The following ZNF430 variants were observed in gnomAD, a reference collection of about 807,000 sequenced individuals.
The protein encoded by ZNF430 is zinc finger protein 430.
A neutral mutation model predicts 56.7 loss-of-function variants in ZNF430; 35 were observed. That is an observed-to-expected ratio of 0.62 (90% CI 0.47 to 0.82). The LOEUF is 0.82. ZNF430 is among the 40% of genes least tolerant of loss of function. The probability of loss-of-function intolerance (pLI) is 0.00; values close to 1 mark genes in which losing one functional copy is unlikely to be tolerated. For synonymous variants in ZNF430, 212 were observed against 224.3 expected (o/e 0.94, Z 0.49); for missense variants, 574 against 661.0 (o/e 0.87, Z 1.44).
intron 4 of ZNF430, among the ~76,000 whole-genome samples, chr19:21,046,286 C>G (rs1162704545): frequency 6.7e-6 from 1 of 148,510 alleles, no homozygotes; most frequent in Admixed American, 6.8e-5. Flanking sequence ...GCACTGCACT[C>G]CAGCCTGGGT....
At position 21,056,688 on chromosome 19, in the gene ZNF430, T is replaced by G; in HGVS notation, c.380T>G (p.Phe127Cys). Residue 127 changes from phenylalanine (F) to cysteine (C), a missense_variant, in exon 5 of 5, where the codon TTC (phenylalanine) becomes TGC (cysteine). Coordinates refer to ENST00000261560, the MANE Select transcript of ZNF430 (RefSeq NM_025189.4). The part of the protein sequence containing the change: ...LWPEQGIKDS[F>C]QEVILRRYGK... ...CCAGAGCAGGGCATAAAAGATTCTTTCCAAGAAGTCATATTGAGAAGATAT... is the reference window on the plus strand; with the variant it reads ...CCAGAGCAGGGCATAAAAGATTCTTGCCAAGAAGTCATATTGAGAAGATAT... 6.3e-7 allele frequency: 1 copy of G among 1,595,188 alleles called. No individual in the cohort carries two copies. The highest frequency in any genetic ancestry group is 8.5e-7 in the Non-Finnish European group (1 of 1,170,606).
At chr19:21,036,679 T>A (rs541463544) in intron 4 of ZNF430, 2 of 152,094 alleles carry the variant, frequency 1.3e-5, no homozygotes, top group South Asian at 4.2e-4. Context: ...GTTGTGCATC[T>A]GTGGTTCAGG....
At chr19:21,055,439 T>TA (rs1968357657) in intron 4 of ZNF430, among the ~76,000 whole-genome samples, 1 of 150,208 alleles carries the variant, frequency 6.7e-6, no homozygotes, top group African/African-American at 2.4e-5. Context: ...TTTTAGTTTT[T>TA]TTTTTTGTTT....
intron 4 of ZNF430, among the ~76,000 whole-genome samples, chr19:21,054,779 A>G (rs567573721): frequency 6.5e-5 from 9 of 138,254 alleles, no homozygotes; most frequent in Non-Finnish European, 9.0e-5. Flanking sequence ...GGTTCACGCC[A>G]TTCTCCTGCC....
chr19:21,057,595 C>G lies in ZNF430; in HGVS notation c.1287C>G (p.Tyr429Ter). The G allele has an allele frequency of 6.2e-7, 1 of 1,613,164 alleles. No individual in the cohort carries two copies. Among genetic ancestry groups the G allele is most frequent in the Non-Finnish European group, 8.5e-7 (1 of 1,179,904 alleles). Residue 429 changes from tyrosine (Y) to a stop codon, truncating the protein, a stop_gained, in exon 5 of 5, where the codon TAC (tyrosine) becomes TAG (stop). Transcript: ENST00000261560. LOFTEE classifies it high-confidence loss of function. ...HKRIHTGEKP[Y>*]KCEQCGKAFN... ...GAATTCATACTGGAGAGAAACCCTA[C>G]AAATGTGAACAATGTGGCAAAGCTT...
At chr19:21,022,942 C>T in intron 2 of ZNF430, 61 bp downstream of exon 2, 2 of 1,214,880 alleles carry the variant, frequency 1.6e-6, no homozygotes, top group Non-Finnish European at 2.4e-6. Flanking sequence ...CTTGGAGACA[C>T]ATTGCTGGTC....
chr19:21,033,444 T>G lies in ZNF430; in HGVS notation c.97-12T>G, dbSNP rs541268053. 3.1e-6 allele frequency: 5 copies of G among 1,606,068 alleles called. No individual in the cohort carries two copies. The South Asian group carries it at 5.5e-5, about 18-fold the overall frequency. On this transcript the variant is annotated splice_polypyrimidine_tract_variant and intron_variant, in intron 2 of 4. Coordinates refer to ENST00000261560, the MANE Select transcript of ZNF430 (RefSeq NM_025189.4). ...TAAATATACGTGTGTCTTGTGTGCT[T>G]GTGTTTTTCAGGGGCCATTGACATT...
In ZNF430 at chr19:21,046,263, T is replaced by A. The variant is rs111884390; in HGVS notation, c.323-10368T>A. Among the ~76,000 whole-genome samples the A allele has an allele frequency of 1.0e-3, 152 of 150,142 alleles. 1 individual carries two copies. Among genetic ancestry groups the A allele is most frequent in the African/African-American group, 3.2e-3 (131 of 40,554 alleles). On this transcript the variant is annotated intron_variant, in intron 4 of 4. Transcript: ENST00000261560. The stretch of plus-strand genomic sequence containing the variant: ...GAACCTGGGAGGCAGATGTTGCAGT[T>A]AGTCAAGATTGTGCACTGCACTCCA...
intron 4 of ZNF430, chr19:21,035,551 A>G (rs1404411264): frequency 9.3e-6 from 2 of 214,664 alleles, no homozygotes; most frequent in Non-Finnish European, 2.0e-5. Flanking sequence ...TTCCAGTGCT[A>G]TGTTAAAATA....
chr19:21,027,508 A>G (rs1177201982), intron 2 of ZNF430, among the ~76,000 whole-genome samples: 1 of 152,104 alleles, frequency 6.6e-6, no homozygotes, highest in Non-Finnish European at 1.5e-5. Flanking sequence ...ATAGTGGATT[A>G]GCTTTTTGAT....
chr19:21,022,738 TCA>T (rs781248515), intron 1 of ZNF430, 49 bp from the exon 2 acceptor site: 2 of 1,248,652 alleles, frequency 1.6e-6, no homozygotes, highest in African/African-American at 3.0e-5. Flanking sequence ...CATGGTTATG[TCA>T]GTTAGAGTGT....
intron 4 of ZNF430, among the ~76,000 whole-genome samples, chr19:21,048,965 A>T (rs1380761967): frequency 6.6e-6 from 1 of 152,000 alleles, no homozygotes; most frequent in Non-Finnish European, 1.5e-5. Context: ...GGAGGCTGAG[A>T]TGGATAGATC....
At chr19:21,056,222 CA>C in intron 4 of ZNF430, among the ~76,000 whole-genome samples, 1 of 152,012 alleles carries the variant, frequency 6.6e-6, no homozygotes, top group East Asian at 1.9e-4. Flanking sequence ...GCTGGTGTGC[CA>C]AAGTGCGGTA....
intron 4 of ZNF430, 25 bp downstream of exon 4, chr19:21,034,209 C>A: frequency 6.8e-7 from 1 of 1,460,902 alleles, no homozygotes; most frequent in Non-Finnish European, 9.3e-7. Context: ...ACACAACAGA[C>A]GACATGAATG....
intron 4 of ZNF430, among the ~76,000 whole-genome samples, chr19:21,053,172 T>C (rs969920055): frequency 6.6e-6 from 1 of 151,960 alleles, no homozygotes; most frequent in Non-Finnish European, 1.5e-5. Flanking sequence ...CAAACTAACC[T>C]AAATTTTTTG....
rs768186636 is a variant in ZNF430, at chr19:21,034,083, A to C, written c.224-3A>C. The C allele has an allele frequency of 1.2e-6, 2 of 1,609,494 alleles. No individual in the cohort carries two copies. Among genetic ancestry groups the C allele is most frequent in the Admixed American group, 1.7e-5 (1 of 59,992 alleles). On this transcript the variant is annotated splice_region_variant and splice_polypyrimidine_tract_variant and intron_variant, in intron 3 of 4. Coordinates refer to ENST00000261560, the MANE Select transcript of ZNF430 (RefSeq NM_025189.4). The stretch of plus-strand genomic sequence containing the variant: ...AGATTCATGTTATTTATTTTCAATA[A>C]AGCAGGTATTGCTGTTTCTAAGCCA...
chr19:21,041,627 C>A (rs565223851), intron 4 of ZNF430, among the ~76,000 whole-genome samples: 3 of 152,306 alleles, frequency 2.0e-5, no homozygotes, highest in African/African-American at 7.2e-5. Flanking sequence ...TGAAGCCCTG[C>A]ATGCATTAGC....
At chr19:21,021,627 CTT>C (rs969369280) in intron 1 of ZNF430, among the ~76,000 whole-genome samples, 2 of 151,796 alleles carry the variant, frequency 1.3e-5, no homozygotes, top group African/African-American at 4.9e-5. Context: ...GAAGGAAAGA[CTT>C]TTATAAGGTG....
chr19:21,044,759 A>T (rs1968159407), intron 4 of ZNF430, among the ~76,000 whole-genome samples: 1 of 152,082 alleles, frequency 6.6e-6, no homozygotes, highest in Non-Finnish European at 1.5e-5. Context: ...CAATTCCAGA[A>T]CTTCTTATTG....
Sources: gnomAD v4.1 joint callset for allele counts (sites outside exome capture counted in the v4.1 genomes callset) on GRCh38, gnomAD v4.1.1 for gene constraint, MANE v1.5 for transcripts, NCBI Gene and HGNC (gene_info 2026-07-23, HGNC 2026-07-21) for gene names.